The following RGPD4 variants were observed in gnomAD, a reference collection of about 807,000 sequenced individuals.
RGPD4 encodes RANBP2 like and GRIP domain containing 4.
In RGPD4, 84 loss-of-function variants were observed where a neutral mutation model predicts 141.1. The observed-to-expected ratio is 0.60, with a 90% CI of 0.50 to 0.71. The LOEUF is 0.71. Among genes scored for constraint, RGPD4 ranks in the 30% least tolerant of loss-of-function variants. The pLI is 0.00. For synonymous variants in RGPD4, 298 were observed against 566.8 expected (o/e 0.53, Z 6.74); for missense variants, 918 against 1,622.4 (o/e 0.57, Z 7.46).
chr2:107,891,813 G>A lies in RGPD4; in HGVS notation c.*1082G>A, dbSNP rs1372087949. On this transcript the variant is annotated 3_prime_UTR_variant, in exon 23 of 23. Coordinates refer to ENST00000408999, the MANE Select transcript of RGPD4 (RefSeq NM_182588.3). ...GCTTTCAGTGTTTTTGGCAGATAGT[G>A]TTCCATAAGCTTTCCATCAGAAGGG... Among the ~76,000 whole-genome samples, 2 of 131,478 alleles carry A rather than the reference G, an allele frequency of 1.5e-5. No individual in the cohort carries two copies. Among genetic ancestry groups the A allele is most frequent in the African/African-American group, 2.8e-5 (1 of 35,952 alleles). 86.3% of individuals were successfully genotyped at this position (131,478 alleles called of 152,430 possible). A position where few individuals can be genotyped will look rare whatever the true frequency, so the allele number is the denominator to read the frequency against.
intron 22 of RGPD4, among the ~76,000 whole-genome samples, chr2:107,884,350 T>A (rs965661670): frequency 1.4e-4 from 22 of 152,236 alleles, no homozygotes; most frequent in Admixed American, 3.3e-4. Flanking sequence ...TCTGCCCACC[T>A]TGGCCTCCCA....
chr2:107,854,414 T>C, intron 7 of RGPD4, 142 bp from the exon 8 acceptor site: 5 of 697,086 alleles, frequency 7.2e-6, no homozygotes, highest in Non-Finnish European at 7.3e-6. Context: ...TTCCCAGTTT[T>C]TGCAGTCTTT....
chr2:107,827,442 A>C (rs1167323795), intron 1 of RGPD4, among the ~76,000 whole-genome samples: 2 of 48,560 alleles, frequency 4.1e-5, no homozygotes, highest in Admixed American at 1.5e-4. Context: ...GCGATGGCTC[A>C]GGCGTCATGG....
At chr2:107,885,238 A>C (rs1436343834) in intron 22 of RGPD4, among the ~76,000 whole-genome samples, 2 of 152,142 alleles carry the variant, frequency 1.3e-5, no homozygotes, top group Non-Finnish European at 2.9e-5. Context: ...CCTAAGAGTA[A>C]AACTGCCCCT....
chr2:107,845,404 C>T (rs930384415), intron 6 of RGPD4, among the ~76,000 whole-genome samples: 6 of 150,452 alleles, frequency 4.0e-5, no homozygotes, highest in African/African-American at 1.2e-4. Context: ...CCAGGAGGGC[C>T]CTGAGGACAG....
intron 6 of RGPD4, among the ~76,000 whole-genome samples, chr2:107,844,071 T>G (rs1304634706): frequency 1.4e-5 from 2 of 144,756 alleles, no homozygotes; most frequent in Non-Finnish European, 3.1e-5. Flanking sequence ...TAATCTTGAG[T>G]GAAAATTAAG....
At chr2:107,888,600 C>T (rs1675571919) in intron 22 of RGPD4, among the ~76,000 whole-genome samples, 1 of 151,624 alleles carries the variant, frequency 6.6e-6, no homozygotes, top group South Asian at 2.1e-4. Context: ...AATCTCTTCC[C>T]CTTCAGAGCC....
At chr2:107,886,799 C>G (rs548919517) in intron 22 of RGPD4, among the ~76,000 whole-genome samples, 89 of 152,048 alleles carry the variant, frequency 5.9e-4, no homozygotes, top group Non-Finnish European at 1.1e-3. Flanking sequence ...CAAACAAGTA[C>G]CTTTTACCTC....
At chr2:107,827,690 T>C (rs181919533) in intron 1 of RGPD4, among the ~76,000 whole-genome samples, 196 of 11,888 alleles carry the variant, frequency 0.016, 31 homozygotes, top group African/African-American at 0.053. Context: ...TCGACCTGGC[T>C]GGGCGGCGGC....
chr2:107,887,157 C>A (rs1135737), intron 22 of RGPD4, among the ~76,000 whole-genome samples: 1 of 151,728 alleles, frequency 6.6e-6, no homozygotes, highest in African/African-American at 2.4e-5. Flanking sequence ...CAGCAGGATT[C>A]TTTGTTATAA....
rs545661204 is a variant in RGPD4, at chr2:107,872,105, T to A, written c.4101T>A (p.Tyr1367Ter). ...GTCACAGGGCAGAACTCTACAGATA[T>A]GATAAAGATGTTGGTCAATGGAAAG... ...VFSHRAELYR[Y>*]DKDVGQWKER... The change falls in exon 20 of 23, where the codon TAT becomes TAA. Residue 1367 changes from tyrosine to a stop codon, truncating the protein, a stop_gained. Coordinates refer to ENST00000408999, the MANE Select transcript of RGPD4 (RefSeq NM_182588.3). LOFTEE classifies it high-confidence loss of function. 1.9e-6 allele frequency: 3 copies of A among 1,611,272 alleles called. No homozygotes were observed. In the East Asian group the frequency reaches 6.7e-5, roughly 36 times the overall value.
At chr2:107,844,511 T>C (rs1239478972) in intron 6 of RGPD4, among the ~76,000 whole-genome samples, 2 of 152,114 alleles carry the variant, frequency 1.3e-5, no homozygotes, top group African/African-American at 4.8e-5. Context: ...AGTTTACTGA[T>C]TGCTAGTTTA....
chr2:107,885,227 A>C (rs2104520614), intron 22 of RGPD4, among the ~76,000 whole-genome samples: 1 of 152,240 alleles, frequency 6.6e-6, no homozygotes, highest in East Asian at 1.9e-4. Context: ...ACTTCTAGTC[A>C]CCTAAGAGTA....
chr2:107,890,333 G>A (rs9798067), intron 22 of RGPD4, among the ~76,000 whole-genome samples: 1 of 87,528 alleles, frequency 1.1e-5, no homozygotes, highest in East Asian at 2.1e-4. Flanking sequence ...AGGATCACTT[G>A]AGCCCAGGAA....
In RGPD4 at chr2:107,872,244, G is replaced by C. The variant is rs1682952574; in HGVS notation, c.4240G>C (p.Asp1414His). The C allele has an allele frequency of 6.2e-7, 1 of 1,611,492 alleles. No homozygotes were observed. Among genetic ancestry groups the C allele is most frequent in the East Asian group, 2.2e-5 (1 of 44,884 alleles). ...KLCANHTITP[D>H]MSLQNMKGTE... is the part of the protein sequence containing the mutation. ...TTGTGCCAATCACACAATAACTCCAGACATGAGTTTGCAAAATATGAAAGG... is the reference window on the plus strand; with the variant it reads ...TTGTGCCAATCACACAATAACTCCACACATGAGTTTGCAAAATATGAAAGG... Residue 1414 changes from aspartate (D) to histidine (H), a missense_variant, in exon 20 of 23, where the codon GAC becomes CAC. By Grantham distance (81) the Asp-to-His change is moderately conservative (BLOSUM62 -1). Transcript: ENST00000408999.
intron 6 of RGPD4, among the ~76,000 whole-genome samples, chr2:107,846,253 G>T (rs985579627): frequency 1.3e-5 from 2 of 150,384 alleles, no homozygotes; most frequent in Non-Finnish European, 3.0e-5. Context: ...CTCTTGATCT[G>T]TCTACCTTGG....
chr2:107,832,671 G>A (rs1164247436), intron 1 of RGPD4, among the ~76,000 whole-genome samples: 11 of 147,302 alleles, frequency 7.5e-5, no homozygotes, highest in Non-Finnish European at 1.6e-4. Context: ...GGAAACTAAT[G>A]GTATGTCTTT....
chr2:107,854,854 G>T (rs571040736), intron 8 of RGPD4, among the ~76,000 whole-genome samples: 2 of 150,598 alleles, frequency 1.3e-5, no homozygotes, highest in African/African-American at 4.9e-5. Context: ...TTGTTCCTAT[G>T]TGGAGAGGAT....
chr2:107,875,739 A>G (rs1483817874), intron 20 of RGPD4, among the ~76,000 whole-genome samples: 5 of 108,254 alleles, frequency 4.6e-5, no homozygotes, highest in Non-Finnish European at 7.4e-5. Flanking sequence ...ATCTAGTATC[A>G]TGCTTGAACA....
Sources: gnomAD v4.1 joint callset for allele counts (sites outside exome capture counted in the v4.1 genomes callset) on GRCh38, gnomAD v4.1.1 for gene constraint, MANE v1.5 for transcripts, NCBI Gene and HGNC (gene_info 2026-07-23, HGNC 2026-07-21) for gene names.